Variants in MARCHF11 observed in about 807,000 individuals in gnomAD.
MARCHF11 encodes the protein membrane associated ring-CH-type finger 11.
In MARCHF11, 29 loss-of-function variants were observed where a neutral mutation model predicts 37.3. The observed-to-expected ratio is 0.78, with a 90% confidence interval of 0.58 to 1.06. The LOEUF is 1.06. Among genes scored for constraint, MARCHF11 ranks in the 50% least tolerant of loss-of-function variants. The pLI is 0.00. For missense variants in MARCHF11, 482 were observed against 533.4 expected (o/e 0.90, Z 0.95); for synonymous variants, 233 against 228.0 (o/e 1.02, Z -0.20).
intron 2 of MARCHF11, among the ~76,000 whole-genome samples, chr5:16,151,881 GTT>G (rs1406008342): frequency 4.2e-5 from 6 of 143,772 alleles, no homozygotes; most frequent in African/African-American, 1.8e-4. Flanking sequence ...TGTTGTTGTT[GTT>G]TTGTCATTTG....
intron 2 of MARCHF11, among the ~76,000 whole-genome samples, chr5:16,154,609 G>T (rs955204839): frequency 3.3e-5 from 5 of 151,830 alleles, no homozygotes; most frequent in Non-Finnish European, 7.4e-5. Flanking sequence ...AAGGGAGGGG[G>T]GGGAGGAAAC....
chr5:16,164,409 A>T (rs886634445), intron 2 of MARCHF11, among the ~76,000 whole-genome samples: 8 of 151,968 alleles, frequency 5.3e-5, no homozygotes, highest in Non-Finnish European at 1.2e-4. Context: ...TAACACTATA[A>T]ATCAACTACA....
intron 2 of MARCHF11, among the ~76,000 whole-genome samples, chr5:16,144,483 A>G (rs532528572): frequency 1.3e-5 from 2 of 152,150 alleles, no homozygotes; most frequent in Admixed American, 6.5e-5. Flanking sequence ...TTTAATCTCC[A>G]GGACTAACCA....
intron 2 of MARCHF11, among the ~76,000 whole-genome samples, chr5:16,093,318 T>C (rs998105693): frequency 2.6e-5 from 4 of 152,164 alleles, no homozygotes; most frequent in African/African-American, 7.2e-5. Context: ...GGGAGTAAAT[T>C]TGAATAGCTC....
intron 3 of MARCHF11, among the ~76,000 whole-genome samples, chr5:16,082,069 T>C (rs755133569): frequency 3.9e-5 from 6 of 152,184 alleles, no homozygotes; most frequent in Non-Finnish European, 7.4e-5. Context: ...AAAAAAATAA[T>C]GGCCTACTTC....
chr5:16,070,635 T>A (rs1736419540), intron 3 of MARCHF11, among the ~76,000 whole-genome samples: 1 of 152,198 alleles, frequency 6.6e-6, no homozygotes, highest in Non-Finnish European at 1.5e-5. Context: ...TGGGAATATA[T>A]TCCTGGTAGC....
intron 3 of MARCHF11, among the ~76,000 whole-genome samples, chr5:16,086,658 T>C (rs538332159): frequency 6.6e-6 from 1 of 152,354 alleles, no homozygotes; most frequent in Non-Finnish European, 1.5e-5. Flanking sequence ...TAACCAGAAC[T>C]TGAACTCACC....
At chr5:16,159,908 A>G (rs1738042610) in intron 2 of MARCHF11, among the ~76,000 whole-genome samples, 1 of 152,016 alleles carries the variant, frequency 6.6e-6, no homozygotes, top group Admixed American at 6.6e-5. Flanking sequence ...TTGGTAATTA[A>G]AAATCTCATT....
At chr5:16,162,671 T>C (rs958290253) in intron 2 of MARCHF11, among the ~76,000 whole-genome samples, 24 of 151,952 alleles carry the variant, frequency 1.6e-4, no homozygotes, top group Non-Finnish European at 3.2e-4. Context: ...ATGGCTGAGA[T>C]TTTGTCTTTT....
At chr5:16,073,763 T>C (rs1208392678) in intron 3 of MARCHF11, among the ~76,000 whole-genome samples, 1 of 152,136 alleles carries the variant, frequency 6.6e-6, no homozygotes. Flanking sequence ...CCCAGATATC[T>C]GGAAACTACA....
intron 2 of MARCHF11, among the ~76,000 whole-genome samples, chr5:16,104,733 T>C (rs1737010326): frequency 6.6e-6 from 1 of 152,190 alleles, no homozygotes; most frequent in Non-Finnish European, 1.5e-5. Context: ...GTTTTTCTTT[T>C]TTTGCTTCCT....
chr5:16,151,648 A>AGT lies in MARCHF11; in HGVS notation c.693+26077_693+26078insAC, dbSNP rs756908947. Reference sequence around the variant, plus strand: ...TGTGTGTGTGTGCATGCGTGAGTTGAATGTGTGTGTGTGTGTGTGTGTGTG... The same window carrying AGT: ...TGTGTGTGTGTGCATGCGTGAGTTGAGTATGTGTGTGTGTGTGTGTGTGTGTG... On this transcript the variant is annotated intron_variant, in intron 2 of 3. Transcript: ENST00000332432. 2.8e-3 allele frequency among the ~76,000 whole-genome samples: 75 copies of AGT among 27,250 alleles called. 2 individuals are homozygous for AGT. The highest frequency in any genetic ancestry group is 4.0e-3 in the Non-Finnish European group (49 of 12,216). 17.9% of individuals were successfully genotyped at this position (27,250 alleles called of 152,430 possible).
rs1737748943 is a variant in MARCHF11, at chr5:16,143,312, A to C, written c.693+34414T>G. Among the ~76,000 whole-genome samples, 4 of 151,918 alleles carry C rather than the reference A, an allele frequency of 2.6e-5. No homozygotes were observed. The South Asian group carries it at 8.3e-4, about 32-fold the overall frequency. On this transcript the variant is annotated intron_variant, in intron 2 of 3. Transcript: ENST00000332432. ...GTGGGAAAGGACAGTTGACAGGGAG[A>C]CAAGTCTTGACCTGGCCTCATTTCC...
intron 2 of MARCHF11, among the ~76,000 whole-genome samples, chr5:16,173,317 C>A (rs566517342): frequency 1.3e-5 from 2 of 152,266 alleles, no homozygotes; most frequent in South Asian, 4.1e-4. Context: ...TGGCCTCCTG[C>A]CTACTCACAG....
intron 3 of MARCHF11, among the ~76,000 whole-genome samples, chr5:16,078,060 T>C (rs573274794): frequency 6.9e-4 from 105 of 152,258 alleles, no homozygotes; most frequent in Non-Finnish European, 1.1e-3. Context: ...TTATTGTTTA[T>C]ATAGAAAACA....
intron 2 of MARCHF11, among the ~76,000 whole-genome samples, chr5:16,106,238 T>C (rs983819505): frequency 6.6e-6 from 1 of 152,078 alleles, no homozygotes; most frequent in Non-Finnish European, 1.5e-5. Flanking sequence ...GCAAGCGGTG[T>C]CTCTGTGGCA....
intron 2 of MARCHF11, among the ~76,000 whole-genome samples, chr5:16,117,767 G>A (rs192555039): frequency 1.4e-3 from 210 of 152,244 alleles, no homozygotes; most frequent in African/African-American, 3.5e-3. Context: ...AATAACCTAC[G>A]ACATAAAATT....
rs558809240 is a variant in MARCHF11 at position 16,124,671 on chromosome 5, G to A, written c.694-33590C>T. Among the ~76,000 whole-genome samples the A allele has an allele frequency of 1.5e-4, 23 of 152,198 alleles. No homozygotes were observed. In the South Asian group the frequency reaches 4.8e-3, roughly 32 times the overall value. On this transcript the variant is annotated intron_variant, in intron 2 of 3. Coordinates refer to ENST00000332432, the MANE Select transcript of MARCHF11 (RefSeq NM_001102562.3). ...TCTAGAAATGGAGTCAAAACTGGAG[G>A]CATGTTCTATTTCCCACAGAGAAGG... is the stretch of plus-strand genomic sequence containing the variant.
intron 3 of MARCHF11, among the ~76,000 whole-genome samples, chr5:16,085,588 G>A (rs1736680748): frequency 7.6e-6 from 1 of 131,058 alleles, no homozygotes; most frequent in African/African-American, 2.7e-5. Context: ...CGGTGGGTGG[G>A]GTCGGGGGGG....
Sources: allele counts gnomAD v4.1 joint callset (sites outside exome capture counted in the v4.1 genomes callset), GRCh38; gene constraint gnomAD v4.1.1; transcripts MANE v1.5; gene names NCBI Gene and HGNC (gene_info 2026-07-23, HGNC 2026-07-21).